Variants in IGF1R observed in about 807,000 individuals in gnomAD.
IGF1R encodes insulin like growth factor 1 receptor.
A neutral mutation model predicts 144.6 loss-of-function variants in IGF1R; 44 were observed. That is an observed-to-expected ratio of 0.30 (90% CI 0.24 to 0.39). The LOEUF (loss-of-function observed/expected upper bound fraction) is 0.39, where lower values mean the gene tolerates loss of function less well. Among genes scored for constraint, IGF1R ranks in the 10% least tolerant of loss-of-function variants. The pLI is 1.00. For synonymous variants in IGF1R, 795 were observed against 722.8 expected (o/e 1.10, Z -1.60); for missense variants, 1,355 against 1,833.7 (o/e 0.74, Z 4.77).
chr15:98,672,070 A>G (rs1021434993), intron 1 of IGF1R, among the ~76,000 whole-genome samples: 2 of 152,150 alleles, frequency 1.3e-5, no homozygotes, highest in African/African-American at 4.8e-5. Context: ...GTGCACAGAC[A>G]TTTTCCACAA....
At position 98,693,236 on chromosome 15, in the gene IGF1R, C is replaced by G. The variant is rs1337288150; in HGVS notation, c.95-14326C>G. On this transcript the variant is annotated intron_variant, in intron 1 of 20. Transcript: ENST00000650285. ...TGGGTCCTGGATGAGCAGAATGAGGCAGGCATAGAGGTGATGTTGGCTACG... is the reference window on the plus strand; with the variant it reads ...TGGGTCCTGGATGAGCAGAATGAGGGAGGCATAGAGGTGATGTTGGCTACG... Among the ~76,000 whole-genome samples the G allele has an allele frequency of 2.6e-5, 4 of 152,224 alleles. No homozygotes were observed. In the East Asian group the frequency reaches 7.7e-4, roughly 29 times the overall value.
chr15:98,920,468 C>T (rs983621619), intron 10 of IGF1R, among the ~76,000 whole-genome samples: 3 of 152,184 alleles, frequency 2.0e-5, no homozygotes, highest in Admixed American at 6.5e-5. Flanking sequence ...TTTTGCGGTA[C>T]ATCAAACCTA....
At chr15:98,942,818 G>T in intron 18 of IGF1R, 105 bp from the exon 19 acceptor site, 1 of 1,473,332 alleles carries the variant, frequency 6.8e-7, no homozygotes, top group Non-Finnish European at 9.5e-7. Flanking sequence ...ACGTGTCTGT[G>T]TCTTGCCTTG....
chr15:98,771,827 T>G (rs2055593949), intron 2 of IGF1R, among the ~76,000 whole-genome samples: 1 of 152,194 alleles, frequency 6.6e-6, no homozygotes, highest in African/African-American at 2.4e-5. Flanking sequence ...AGGGTGTTCT[T>G]TATCAGCAGC....
At chr15:98,720,274 C>T (rs1248217322) in intron 2 of IGF1R, among the ~76,000 whole-genome samples, 1 of 152,164 alleles carries the variant, frequency 6.6e-6, no homozygotes, top group African/African-American at 2.4e-5. Context: ...GGGGAATTTG[C>T]ATGAAAATTG....
chr15:98,675,037 G>A (rs2053000065), intron 1 of IGF1R, among the ~76,000 whole-genome samples: 1 of 131,180 alleles, frequency 7.6e-6, no homozygotes, highest in African/African-American at 2.9e-5. Context: ...AGGCTGGAGT[G>A]GACTGCAGTG....
rs751121200 is a variant in IGF1R, at chr15:98,891,181, G to A, written c.641-144G>A. 19 of 758,206 alleles carry A rather than the reference G, an allele frequency of 2.5e-5. No individual in the cohort carries two copies. The highest frequency in any genetic ancestry group is 1.0e-4 in the Admixed American group (5 of 49,956). 47.0% of individuals were successfully genotyped at this position (758,206 alleles called of 1,614,324 possible). ...GGACAGTGGTGGGGGTGAGGATTTC[G>A]TAGTGTGTTTTTGCATTGTCTCCTC... On this transcript the variant is annotated intron_variant, in intron 2 of 20. Coordinates refer to ENST00000650285, the MANE Select transcript of IGF1R (RefSeq NM_000875.5). The surrounding 1 kb of genome is among the most constrained non-coding windows in gnomAD (Gnocchi z 4.7).
chr15:98,724,652 A>C (rs2054317886), intron 2 of IGF1R, among the ~76,000 whole-genome samples: 1 of 152,194 alleles, frequency 6.6e-6, no homozygotes, highest in South Asian at 2.1e-4. Context: ...GCTAGAGAAA[A>C]CAGGAGGTGA....
rs140957235 is a variant in IGF1R, at chr15:98,909,714, G to A, written c.1462+815G>A. The stretch of plus-strand genomic sequence containing the variant: ...GGTTTCCTGTCCCTTACACTCGGCC[G>A]CCTTGTTTCTCCCACCCCAACATGA... On this transcript the variant is annotated intron_variant, in intron 6 of 20. Transcript: ENST00000650285. Among the ~76,000 whole-genome samples the A allele has an allele frequency of 9.3e-3, 1,410 of 152,302 alleles. 17 individuals are homozygous for A. Among genetic ancestry groups the A allele is most frequent in the African/African-American group, 0.031 (1,299 of 41,558 alleles).
chr15:98,828,445 C>T (rs1055663665), intron 2 of IGF1R, among the ~76,000 whole-genome samples: 4 of 152,234 alleles, frequency 2.6e-5, no homozygotes, highest in African/African-American at 9.6e-5. Flanking sequence ...CAAGATAAAA[C>T]GACTCATTTG....
intron 2 of IGF1R, among the ~76,000 whole-genome samples, chr15:98,718,575 C>T (rs2054175678): frequency 6.6e-6 from 1 of 152,166 alleles, no homozygotes; most frequent in South Asian, 2.1e-4. Context: ...CCATGGGGCC[C>T]CTGGGGAGGA....
intron 2 of IGF1R, among the ~76,000 whole-genome samples, chr15:98,721,854 C>A (rs906055711): frequency 2.6e-5 from 4 of 152,158 alleles, no homozygotes; most frequent in Non-Finnish European, 5.9e-5. Context: ...TAGGTGAGTT[C>A]TTCACTTTGC....
At chr15:98,761,494 C>T (rs1291069574) in intron 2 of IGF1R, among the ~76,000 whole-genome samples, 2 of 152,178 alleles carry the variant, frequency 1.3e-5, no homozygotes, top group Admixed American at 6.5e-5. Context: ...TCAAACCTTC[C>T]GTAATTTGCC....
rs1450783486 is a variant in IGF1R at position 98,963,908 on chromosome 15, T to TATCA, written c.*6467_*6470dup. ...TGTCTCCCCAACTCCACAATATCTC[T>TATCA]ATCATGGGAAACACCTGGGGTTTTT... is the stretch of plus-strand genomic sequence containing the variant. On this transcript the variant is annotated 3_prime_UTR_variant, in exon 21 of 21. Transcript: ENST00000650285. The TATCA allele has an allele frequency of 8.6e-6, 2 of 232,888 alleles. No homozygotes were observed. The highest frequency in any genetic ancestry group is 1.7e-5 in the Non-Finnish European group (2 of 117,856). The allele number at this position is 232,888 out of a possible 1,614,324, so 14.4% of individuals were successfully genotyped here.
At position 98,913,156 on chromosome 15, in the gene IGF1R, C is replaced by T. The variant is rs2015096899; in HGVS notation, c.1702C>T (p.Leu568=). ...CAAGGACGTGGAGCCCGGCATCTTA[C>T]TACATGGGCTGAAGCCCTGGACTCA... ...PNKDVEPGIL[L]HGLKPWTQYA... is the part of the protein sequence containing the mutation. Residue 568 remains leucine (L), a synonymous_variant, in exon 8 of 21, where the codon CTA becomes TTA. Coordinates refer to ENST00000650285, the MANE Select transcript of IGF1R (RefSeq NM_000875.5). 2 of 1,614,086 alleles carry T rather than the reference C, an allele frequency of 1.2e-6. No individual in the cohort carries two copies. The highest frequency in any genetic ancestry group is 1.7e-6 in the Non-Finnish European group (2 of 1,180,022).
intron 2 of IGF1R, among the ~76,000 whole-genome samples, chr15:98,740,929 A>T (rs868195442): frequency 5.3e-5 from 8 of 152,192 alleles, no homozygotes; most frequent in African/African-American, 1.9e-4. Flanking sequence ...ACTTTGTCAA[A>T]AGTGTAGTAT....
chr15:98,651,588 G>A (rs2052369544), intron 1 of IGF1R, among the ~76,000 whole-genome samples: 1 of 152,234 alleles, frequency 6.6e-6, no homozygotes, highest in Admixed American at 6.5e-5. Flanking sequence ...AAACAGCAGG[G>A]ATGGCCTTCG....
rs1457604349 is a variant in IGF1R at position 98,648,584 on chromosome 15, G to C, written c.-998G>C. Among the ~76,000 whole-genome samples the C allele has an allele frequency of 6.9e-6, 1 of 144,604 alleles. No individual in the cohort carries two copies. The highest frequency in any genetic ancestry group is 2.5e-5 in the African/African-American group (1 of 40,064). 94.9% of individuals were successfully genotyped at this position (144,604 alleles called of 152,430 possible). ...GCGGCGCGGCGAGGCTGGGGCTCTT[G>C]TTTACCAGCATTAACTCCGCTGAGC... On this transcript the variant is annotated 5_prime_UTR_variant, in exon 1 of 21. Coordinates refer to ENST00000650285, the MANE Select transcript of IGF1R (RefSeq NM_000875.5).
intron 5 of IGF1R, among the ~76,000 whole-genome samples, chr15:98,904,177 G>A (rs991979192): frequency 6.6e-5 from 10 of 150,876 alleles, no homozygotes; most frequent in East Asian, 2.0e-4. Flanking sequence ...TCAGCCTCCC[G>A]AGTAGCCGGG....
Sources: allele counts gnomAD v4.1 joint callset (sites outside exome capture counted in the v4.1 genomes callset), GRCh38; gene constraint gnomAD v4.1.1; non-coding constraint Gnocchi (gnomAD v3.1); transcripts MANE v1.5; gene names NCBI Gene and HGNC (gene_info 2026-07-23, HGNC 2026-07-21).